GRID2: variants seen among roughly 807,000 people sequenced by gnomAD.
GRID2 encodes glutamate receptor ionotropic, delta-2.
GRID2 carries 33 observed loss-of-function variants against 114.8 expected under a neutral mutation model. The ratio of observed to expected loss-of-function variants is 0.29; its 90% confidence interval spans 0.22 to 0.38. The LOEUF (loss-of-function observed/expected upper bound fraction) is 0.38, where lower values mean the gene tolerates loss of function less well. GRID2 is among the 10% of genes least tolerant of loss of function. The pLI is 1.00. For missense variants in GRID2, 1,184 were observed against 1,257.7 expected (o/e 0.94, Z 0.89); for synonymous variants, 505 against 449.9 (o/e 1.12, Z -1.55).
At chr4:92,955,413 T>C (rs954739564) in intron 2 of GRID2, among the ~76,000 whole-genome samples, 35 of 152,330 alleles carry the variant, frequency 2.3e-4, no homozygotes, top group Non-Finnish European at 4.6e-4. Flanking sequence ...ATAAATGTCT[T>C]CTTTTGAGAA....
rs545258873 is a variant in GRID2, at chr4:93,599,389, A to C, written c.2194-26880A>C. ...CTCTTCAGGTGTACTTCAGGTAAAT[A>C]GATTACAAGTAAATTGTAGGCATTT... On this transcript the variant is annotated intron_variant, in intron 13 of 15. Coordinates refer to ENST00000282020, the MANE Select transcript of GRID2 (RefSeq NM_001510.4). 5.9e-5 allele frequency among the ~76,000 whole-genome samples: 9 copies of C among 152,354 alleles called. 1 individual carries two copies. In the South Asian group the frequency reaches 1.9e-3, roughly 32 times the overall value.
At chr4:93,146,245 T>G (rs1736213657) in intron 4 of GRID2, among the ~76,000 whole-genome samples, 2 of 152,180 alleles carry the variant, frequency 1.3e-5, no homozygotes, top group South Asian at 4.1e-4. Flanking sequence ...GAAGTTATAT[T>G]TGAACTAATA....
intron 1 of GRID2, among the ~76,000 whole-genome samples, chr4:92,331,099 G>A (rs1726860570): frequency 1.3e-5 from 2 of 152,116 alleles, no homozygotes; most frequent in Non-Finnish European, 2.9e-5. Context: ...GATGTATAAA[G>A]AATTGTTGCA....
At chr4:93,166,467 CCTT>C (rs1738258526) in intron 4 of GRID2, among the ~76,000 whole-genome samples, 1 of 152,098 alleles carries the variant, frequency 6.6e-6, no homozygotes, top group African/African-American at 2.4e-5. Flanking sequence ...GAGAAAGAGA[CCTT>C]ATCTCTGCAA....
At chr4:92,602,200 A>T (rs1579662398) in intron 2 of GRID2, among the ~76,000 whole-genome samples, 4 of 150,142 alleles carry the variant, frequency 2.7e-5, no homozygotes, top group African/African-American at 9.8e-5. Flanking sequence ...CTTGCCAGAG[A>T]TTTAAAAAAA....
At chr4:93,675,209 T>C (rs1399103776) in intron 14 of GRID2, among the ~76,000 whole-genome samples, 2 of 152,098 alleles carry the variant, frequency 1.3e-5, no homozygotes, top group East Asian at 1.9e-4. Flanking sequence ...AGGTAATAAA[T>C]TGGTTACAAA....
chr4:92,591,765 C>T (rs749486643), intron 2 of GRID2, among the ~76,000 whole-genome samples: 1 of 151,780 alleles, frequency 6.6e-6, no homozygotes, highest in African/African-American at 2.4e-5. Flanking sequence ...AAGTTTTTTC[C>T]TTGTTAATGG....
chr4:92,593,935 A>G (rs1425428800), intron 2 of GRID2, among the ~76,000 whole-genome samples: 1 of 151,382 alleles, frequency 6.6e-6, no homozygotes, highest in Non-Finnish European at 1.5e-5. Flanking sequence ...AAAAGAAAAA[A>G]AAAACGTATA....
chr4:93,371,360 CT>C (rs941028386), intron 8 of GRID2, among the ~76,000 whole-genome samples: 18 of 147,808 alleles, frequency 1.2e-4, no homozygotes, highest in South Asian at 2.2e-4. Context: ...TCTGTTATTC[CT>C]TTTTTTTTTG....
chr4:93,275,285 G>C (rs1181043543), intron 8 of GRID2, among the ~76,000 whole-genome samples: 5 of 151,498 alleles, frequency 3.3e-5, no homozygotes, highest in African/African-American at 7.3e-5. Context: ...CCATTGTCTA[G>C]GTGTACCATA....
chr4:92,397,689 AAACCATAGCTCCCATCATGAG>A (rs1318288119), intron 1 of GRID2, among the ~76,000 whole-genome samples: 1 of 152,112 alleles, frequency 6.6e-6, no homozygotes, highest in Admixed American at 6.6e-5. Flanking sequence ...GAGTGGCCTG[AAACCATAGCTCCCATCATGAG>A]GGGAAGGGGA....
At chr4:93,035,339 C>T (rs1051988525) in intron 2 of GRID2, among the ~76,000 whole-genome samples, 1 of 152,036 alleles carries the variant, frequency 6.6e-6, no homozygotes, top group East Asian at 1.9e-4. Flanking sequence ...GTCTTGAGCT[C>T]CTTGGCTCAA....
At chr4:93,747,638 C>T (rs1043240860) in intron 14 of GRID2, among the ~76,000 whole-genome samples, 5 of 152,020 alleles carry the variant, frequency 3.3e-5, no homozygotes, top group Non-Finnish European at 5.9e-5. Context: ...CATATATACA[C>T]AAAAACTGTT....
At chr4:93,312,952 C>A (rs1756181393) in intron 8 of GRID2, among the ~76,000 whole-genome samples, 1 of 152,026 alleles carries the variant, frequency 6.6e-6, no homozygotes, top group African/African-American at 2.4e-5. Context: ...TATGGAGTTT[C>A]ATAGGAATTT....
chr4:92,863,512 G>T (rs1055903212), intron 2 of GRID2, among the ~76,000 whole-genome samples: 2 of 152,098 alleles, frequency 1.3e-5, no homozygotes, highest in Non-Finnish European at 2.9e-5. Flanking sequence ...TTAAATTACA[G>T]CAGCCTGCTC....
chr4:93,357,238 G>GT (rs35867346), intron 8 of GRID2, among the ~76,000 whole-genome samples: 30,556 of 151,330 alleles, frequency 0.2, 4,685 homozygotes, highest in African/African-American at 0.43. Flanking sequence ...AAACTGACAG[G>GT]TTGAAAAGTA....
intron 2 of GRID2, among the ~76,000 whole-genome samples, chr4:92,965,141 G>C (rs1370522617): frequency 6.6e-6 from 1 of 151,732 alleles, no homozygotes; most frequent in Non-Finnish European, 1.5e-5. Context: ...TTTCAATATT[G>C]TTGCATCTCA....
intron 3 of GRID2, among the ~76,000 whole-genome samples, chr4:93,110,099 G>T (rs1027576529): frequency 3.9e-5 from 6 of 151,960 alleles, no homozygotes; most frequent in Admixed American, 2.0e-4. Context: ...AATATGTTTT[G>T]CACATTAAGT....
intron 1 of GRID2, among the ~76,000 whole-genome samples, chr4:92,394,380 G>A (rs770673197): frequency 4.6e-5 from 7 of 151,906 alleles, no homozygotes; most frequent in South Asian, 4.1e-4. Context: ...AAACTTTACC[G>A]TTCAATACAG....
Sources: gnomAD v4.1 joint callset for allele counts (sites outside exome capture counted in the v4.1 genomes callset) on GRCh38, gnomAD v4.1.1 for gene constraint, MANE v1.5 for transcripts, NCBI Gene and HGNC (gene_info 2026-07-23, HGNC 2026-07-21) for gene names.